The following DCC variants were observed in gnomAD, a reference collection of about 807,000 sequenced individuals.
DCC encodes netrin receptor DCC.
A neutral mutation model predicts 172.5 loss-of-function variants in DCC; 58 were observed. That is an observed-to-expected ratio of 0.34 (90% CI 0.27 to 0.42). DCC has a LOEUF of 0.42. Among genes scored for constraint, DCC ranks in the 10% least tolerant of loss-of-function variants. The probability of loss-of-function intolerance (pLI) is 1.00; values close to 1 mark genes in which losing one functional copy is unlikely to be tolerated. For synonymous variants in DCC, 709 were observed against 644.5 expected, an observed-to-expected ratio of 1.10 and a Z score of -1.52; for missense variants, 1,740 against 1,791.0, an observed-to-expected ratio of 0.97 and a Z score of 0.51.
At chr18:52,604,264 C>T (rs2034083630) in intron 1 of DCC, among the ~76,000 whole-genome samples, 1 of 152,046 alleles carries the variant, frequency 6.6e-6, no homozygotes, top group South Asian at 2.1e-4. Context: ...TTCATTACCC[C>T]AATTCTGTCA....
intron 1 of DCC, among the ~76,000 whole-genome samples, chr18:52,649,663 T>A (rs1568274546): frequency 6.6e-6 from 1 of 152,174 alleles, no homozygotes; most frequent in Non-Finnish European, 1.5e-5. Flanking sequence ...GAAAATGTAG[T>A]ATTGACTTTC....
intron 1 of DCC, among the ~76,000 whole-genome samples, chr18:52,341,234 C>T (rs1022397727): frequency 6.6e-6 from 1 of 152,156 alleles, no homozygotes; most frequent in South Asian, 2.1e-4. Flanking sequence ...AGAAACCTAC[C>T]AAGTGGGGAG....
At chr18:53,325,018 C>A (rs1345961211) in intron 14 of DCC, among the ~76,000 whole-genome samples, 1 of 151,788 alleles carries the variant, frequency 6.6e-6, no homozygotes, top group Non-Finnish European at 1.5e-5. Context: ...CATGGTGAAA[C>A]CCCGTCTCTA....
intron 7 of DCC, among the ~76,000 whole-genome samples, chr18:53,087,189 C>A (rs371357706): frequency 3.7e-4 from 56 of 152,208 alleles, no homozygotes; most frequent in South Asian, 8.3e-4. Flanking sequence ...TGACTTCCAC[C>A]ATGGTTGAAC....
At chr18:52,576,058 G>C (rs1044510772) in intron 1 of DCC, among the ~76,000 whole-genome samples, 5 of 152,130 alleles carry the variant, frequency 3.3e-5, no homozygotes, top group Admixed American at 3.3e-4. Flanking sequence ...TTAACAACTT[G>C]GTCTTTTGTG....
chr18:52,440,802 T>C (rs1987948525), intron 1 of DCC, among the ~76,000 whole-genome samples: 1 of 152,214 alleles, frequency 6.6e-6, no homozygotes, highest in African/African-American at 2.4e-5. Context: ...GAATTGGCCA[T>C]AATTATGCCA....
At chr18:52,407,029 T>C (rs1278271013) in intron 1 of DCC, among the ~76,000 whole-genome samples, 1 of 152,092 alleles carries the variant, frequency 6.6e-6, no homozygotes, top group African/African-American at 2.4e-5. Flanking sequence ...CCTACTAGAT[T>C]GGTGAGTTTG....
At chr18:53,478,278 G>A (rs2045790528) in intron 25 of DCC, among the ~76,000 whole-genome samples, 1 of 152,202 alleles carries the variant, frequency 6.6e-6, no homozygotes, top group African/African-American at 2.4e-5. Context: ...GTGTGGCCTT[G>A]GGTGAGCGAC....
intron 2 of DCC, among the ~76,000 whole-genome samples, chr18:52,900,988 CAA>C (rs2039801349): frequency 6.6e-6 from 1 of 152,180 alleles, no homozygotes; most frequent in African/African-American, 2.4e-5. Flanking sequence ...TACTAAACAA[CAA>C]AGTGTATTGA....
At chr18:53,470,640 T>C (rs1290519472) in intron 25 of DCC, among the ~76,000 whole-genome samples, 1 of 152,150 alleles carries the variant, frequency 6.6e-6, no homozygotes, top group African/African-American at 2.4e-5. Flanking sequence ...CAGTTCTGCA[T>C]GGCTGAGGAG....
intron 1 of DCC, among the ~76,000 whole-genome samples, chr18:52,598,310 G>T (rs1393647896): frequency 1.3e-5 from 2 of 152,198 alleles, no homozygotes; most frequent in African/African-American, 4.8e-5. Flanking sequence ...AAAGAGAGGG[G>T]TTACATATTT....
chr18:52,742,410 A>G (rs998781620), intron 1 of DCC, among the ~76,000 whole-genome samples: 23 of 152,104 alleles, frequency 1.5e-4, no homozygotes, highest in African/African-American at 5.3e-4. Flanking sequence ...CCTTCCTACT[A>G]GAATATAAAA....
At chr18:53,007,342 C>CAGA (rs1229651200) in intron 5 of DCC, among the ~76,000 whole-genome samples, 3 of 152,076 alleles carry the variant, frequency 2.0e-5, no homozygotes, top group Non-Finnish European at 4.4e-5. Context: ...AATGAGCAAT[C>CAGA]AAACCACAAA....
intron 7 of DCC, among the ~76,000 whole-genome samples, chr18:53,156,621 T>C (rs1229888019): frequency 6.6e-6 from 1 of 152,230 alleles, no homozygotes; most frequent in Admixed American, 6.5e-5. Context: ...CATTTTTTTC[T>C]ACAGTAATAA....
At chr18:52,790,991 A>G (rs1209665370) in intron 2 of DCC, among the ~76,000 whole-genome samples, 1 of 152,120 alleles carries the variant, frequency 6.6e-6, no homozygotes, top group African/African-American at 2.4e-5. Context: ...TCCATTGGAC[A>G]TTTTCTGCAG....
intron 1 of DCC, among the ~76,000 whole-genome samples, chr18:52,640,976 C>A (rs879313093): frequency 6.6e-6 from 1 of 152,026 alleles, no homozygotes; most frequent in African/African-American, 2.4e-5. Flanking sequence ...TACAATAAGG[C>A]CATAGTCACC....
intron 1 of DCC, among the ~76,000 whole-genome samples, chr18:52,436,790 C>T (rs532581053): frequency 2.6e-5 from 4 of 152,066 alleles, no homozygotes; most frequent in African/African-American, 7.2e-5. Context: ...CATGGTGGTA[C>T]GCACCAGTAG....
intron 5 of DCC, among the ~76,000 whole-genome samples, chr18:53,018,669 G>C (rs896064044): frequency 2.0e-5 from 3 of 152,176 alleles, no homozygotes; most frequent in African/African-American, 7.2e-5. Context: ...TGCTCAAGGA[G>C]CATTTCATGT....
chr18:52,580,465 A>G lies in DCC; in HGVS notation c.92-171589A>G, dbSNP rs567579538. Among the ~76,000 whole-genome samples the G allele has an allele frequency of 4.6e-5, 7 of 152,310 alleles. No individual in the cohort carries two copies. The South Asian group carries it at 1.5e-3, about 32-fold the overall frequency. On this transcript the variant is annotated intron_variant, in intron 1 of 28. Coordinates refer to ENST00000442544, the MANE Select transcript of DCC (RefSeq NM_005215.4). ...ACTGGGAATGTTGCAATTTCAGGTT[A>G]AGAGATATGGAGCAAGAGAAACCTC...
Sources: gnomAD v4.1 joint callset for allele counts (sites outside exome capture counted in the v4.1 genomes callset) on GRCh38, gnomAD v4.1.1 for gene constraint, MANE v1.5 for transcripts, NCBI Gene and HGNC (gene_info 2026-07-23, HGNC 2026-07-21) for gene names.